PTPRD: variants seen among roughly 807,000 people sequenced by gnomAD.
PTPRD encodes the protein protein tyrosine phosphatase receptor type D.
In PTPRD, 34 loss-of-function variants were observed where a neutral mutation model predicts 214.5. That is an observed-to-expected ratio of 0.16 (90% CI 0.12 to 0.21). The LOEUF (loss-of-function observed/expected upper bound fraction) is 0.21. Among genes scored for constraint, PTPRD ranks in the 10% least tolerant of loss-of-function variants. The probability of loss-of-function intolerance (pLI) is 1.00; values close to 1 mark genes in which losing one functional copy is unlikely to be tolerated. For missense variants in PTPRD, 2,545 were observed against 2,398.7 expected, an observed-to-expected ratio of 1.06 and a Z score of -1.27; for synonymous variants, 1,128 against 845.7, an observed-to-expected ratio of 1.33 and a Z score of -5.79.
chr9:9,067,671 A>G (rs1340121833), intron 10 of PTPRD, among the ~76,000 whole-genome samples: 2 of 152,214 alleles, frequency 1.3e-5, no homozygotes, highest in African/African-American at 4.8e-5. Context: ...AGATTTGCAT[A>G]TGGTTGTAAG....
At chr9:9,396,467 C>T (rs1173129006) in intron 9 of PTPRD, among the ~76,000 whole-genome samples, 2 of 151,992 alleles carry the variant, frequency 1.3e-5, no homozygotes. Context: ...TACAATAAGG[C>T]TTTTAATATT....
rs1038616680 is a variant in PTPRD at position 9,664,346 on chromosome 9, G to T, written c.-287+70187C>A. Among the ~76,000 whole-genome samples the T allele has an allele frequency of 5.3e-5, 8 of 151,524 alleles. No homozygotes were observed. In the East Asian group the frequency reaches 1.2e-3, roughly 22 times the overall value. On this transcript the variant is annotated intron_variant, in intron 7 of 45. Transcript: ENST00000381196. ...CTTTTCTAACGCATAGGGCAAAAAAGATCAACTTCTAATACTGCTTCAGCC... is the reference window on the plus strand; with the variant it reads ...CTTTTCTAACGCATAGGGCAAAAAATATCAACTTCTAATACTGCTTCAGCC...
chr9:9,507,644 T>C (rs1432961052), intron 8 of PTPRD, among the ~76,000 whole-genome samples: 1 of 151,492 alleles, frequency 6.6e-6, no homozygotes, highest in Admixed American at 6.6e-5. Flanking sequence ...TTCTATTGAA[T>C]TGTGAACTAA....
intron 3 of PTPRD, among the ~76,000 whole-genome samples, chr9:10,273,419 G>A (rs2094523141): frequency 6.6e-6 from 1 of 152,010 alleles, no homozygotes; most frequent in South Asian, 2.1e-4. Flanking sequence ...GTCTTTTTCA[G>A]TGGCCAACTA....
chr9:8,826,618 A>C (rs2097180039), intron 11 of PTPRD, among the ~76,000 whole-genome samples: 1 of 138,582 alleles, frequency 7.2e-6, no homozygotes, highest in Non-Finnish European at 1.5e-5. Context: ...AGATTCCAAG[A>C]CTGCAGGCAC....
Position 8,854,543 on chromosome 9 carries a change from C to T in PTPRD, c.-103-120597G>A, listed in dbSNP as rs568290696. Among the ~76,000 whole-genome samples, 15 of 152,290 alleles carry T rather than the reference C, an allele frequency of 9.8e-5. No homozygotes were observed. The South Asian group carries it at 2.1e-3, about 21-fold the overall frequency. ...TACAGTGTACTCTTTTACAAACAGT[C>T]ACCCTTGTCAGTTTGAAAAATTGAA... is the stretch of plus-strand genomic sequence containing the variant. On this transcript the variant is annotated intron_variant, in intron 11 of 45. Transcript: ENST00000381196.
chr9:9,945,626 G>A (rs983513165), intron 4 of PTPRD, among the ~76,000 whole-genome samples: 4 of 152,144 alleles, frequency 2.6e-5, no homozygotes, highest in African/African-American at 7.2e-5. Flanking sequence ...GGGTGACCAT[G>A]ACAAGATGTG....
At chr9:10,390,103 A>G (rs1288855116) in intron 2 of PTPRD, among the ~76,000 whole-genome samples, 1 of 151,888 alleles carries the variant, frequency 6.6e-6, no homozygotes, top group Non-Finnish European at 1.5e-5. Context: ...TAAAGAAAAT[A>G]TTGTGTACTG....
chr9:10,242,331 T>C (rs1275448356), intron 3 of PTPRD, among the ~76,000 whole-genome samples: 1 of 152,008 alleles, frequency 6.6e-6, no homozygotes, highest in East Asian at 1.9e-4. Context: ...CAAATAACTT[T>C]AGGCTGAAAT....
chr9:8,995,378 A>G (rs1567473458), intron 11 of PTPRD, among the ~76,000 whole-genome samples: 1 of 152,098 alleles, frequency 6.6e-6, no homozygotes, highest in Non-Finnish European at 1.5e-5. Context: ...TCATCCTCCA[A>G]GTTGATATTA....
intron 3 of PTPRD, among the ~76,000 whole-genome samples, 168 bp from the exon 4 acceptor site, chr9:10,033,958 A>G (rs1265133045): frequency 1.3e-5 from 2 of 152,132 alleles, no homozygotes; most frequent in African/African-American, 2.4e-5. Context: ...ATGAGAGTCT[A>G]TATTATTTCT....
chr9:8,577,458 T>C (rs1376174719), intron 14 of PTPRD, among the ~76,000 whole-genome samples: 1 of 152,128 alleles, frequency 6.6e-6, no homozygotes, highest in Non-Finnish European at 1.5e-5. Context: ...TTTCTCCATG[T>C]TGGTCAGGCT....
chr9:9,958,073 A>G (rs2094080842), intron 4 of PTPRD, among the ~76,000 whole-genome samples: 4 of 152,222 alleles, frequency 2.6e-5, no homozygotes, highest in African/African-American at 7.2e-5. Context: ...TTCATAAAGC[A>G]TAACTTAAAA....
chr9:10,216,586 G>T (rs191153369), intron 3 of PTPRD, among the ~76,000 whole-genome samples: 4 of 151,844 alleles, frequency 2.6e-5, no homozygotes, highest in African/African-American at 9.7e-5. Flanking sequence ...TCAATATTAA[G>T]AGAATACTAA....
chr9:9,748,308 T>C (rs1262070616), intron 6 of PTPRD, among the ~76,000 whole-genome samples: 1 of 152,208 alleles, frequency 6.6e-6, no homozygotes, highest in Non-Finnish European at 1.5e-5. Context: ...TGCATGAATG[T>C]TCACACCAGA....
At chr9:9,761,742 A>G (rs561917652) in intron 6 of PTPRD, among the ~76,000 whole-genome samples, 28 of 152,150 alleles carry the variant, frequency 1.8e-4, no homozygotes, top group African/African-American at 6.0e-4. Flanking sequence ...AATTAAAAAA[A>G]AACTATTCAT....
intron 11 of PTPRD, among the ~76,000 whole-genome samples, chr9:8,963,282 T>C (rs1231742659): frequency 1.3e-5 from 2 of 152,104 alleles, no homozygotes; most frequent in Non-Finnish European, 2.9e-5. Context: ...TCAGAGGACA[T>C]TAGTGGTTTG....
At chr9:10,138,880 C>A (rs1418691134) in intron 3 of PTPRD, among the ~76,000 whole-genome samples, 3 of 151,962 alleles carry the variant, frequency 2.0e-5, no homozygotes, top group Non-Finnish European at 4.4e-5. Context: ...GCAAACTAAG[C>A]ATTGAAGGAA....
At chr9:8,948,606 C>A (rs1387168976) in intron 11 of PTPRD, among the ~76,000 whole-genome samples, 2 of 117,620 alleles carry the variant, frequency 1.7e-5, no homozygotes, top group Non-Finnish European at 3.3e-5. Context: ...AACGACATAG[C>A]TGTTATTTAA....
Sources: allele counts gnomAD v4.1 joint callset (sites outside exome capture counted in the v4.1 genomes callset), GRCh38; gene constraint gnomAD v4.1.1; transcripts MANE v1.5; gene names NCBI Gene and HGNC (gene_info 2026-07-23, HGNC 2026-07-21).